The following HECA variants were observed in gnomAD, a reference collection of about 807,000 sequenced individuals.
HECA encodes the protein HECA ribonucleoprotein granule regulator, also known as headcase protein homolog.
HECA carries 13 observed loss-of-function variants against 37.6 expected under a neutral mutation model. The ratio of observed to expected loss-of-function variants is 0.35; its 90% CI spans 0.23 to 0.55. The LOEUF is 0.55. Among genes scored for constraint, HECA ranks in the 20% least tolerant of loss-of-function variants. HECA has a pLI of 0.90. For missense variants in HECA, 527 were observed against 701.9 expected, an observed-to-expected ratio of 0.75 and a Z score of 2.82; for synonymous variants, 307 against 291.5, an observed-to-expected ratio of 1.05 and a Z score of -0.54.
In HECA at chr6:139,174,693, A is replaced by C. The variant is rs895074001; in HGVS notation, c.1467+154A>C. On this transcript the variant is annotated intron_variant, in intron 3 of 3. Coordinates refer to ENST00000367658, the MANE Select transcript of HECA (RefSeq NM_016217.3). ...TAATGTAGTCATTTAGTGGAATACT[A>C]TTCAGTCATTAAAAGGAATACTGTA... 2.7e-6 allele frequency: 3 copies of C among 1,109,700 alleles called. No individual in the cohort carries two copies. In the Admixed American group the frequency reaches 9.5e-5, roughly 35 times the overall value. The allele number at this position is 1,109,700 out of a possible 1,614,324, so 68.7% of individuals were successfully genotyped here.
chr6:139,176,311 G>GA lies in HECA; in HGVS notation c.1468-629dup, dbSNP rs1232345351. On this transcript the variant is annotated intron_variant, in intron 3 of 3. Coordinates refer to ENST00000367658, the MANE Select transcript of HECA (RefSeq NM_016217.3). This position sits in a 1 kb window ranked among gnomAD's most constrained non-coding sequence, Gnocchi z 4.5. ...CAGGAGTATTTTGAGAACAAGTTGA[G>GA]ATTATACTTTTTAAGTACATTTTTA... Among the ~76,000 whole-genome samples the GA allele has an allele frequency of 2.0e-5, 3 of 152,146 alleles. No individual in the cohort carries two copies. The highest frequency in any genetic ancestry group is 7.2e-5 in the African/African-American group (3 of 41,432).
At chr6:139,173,684 T>A (rs1053952912) in intron 2 of HECA, among the ~76,000 whole-genome samples, 1 of 152,234 alleles carries the variant, frequency 6.6e-6, no homozygotes, top group Non-Finnish European at 1.5e-5. Context: ...TAAACTGTGA[T>A]GCTTCCATAT....
At chr6:139,165,280 G>A (rs187292143) in intron 1 of HECA, among the ~76,000 whole-genome samples, 1 of 152,228 alleles carries the variant, frequency 6.6e-6, no homozygotes, top group African/African-American at 2.4e-5. Context: ...TTTTAGAGCA[G>A]ATTTAAGTTC....
At chr6:139,160,859 CTT>C (rs1237006616) in intron 1 of HECA, among the ~76,000 whole-genome samples, 1 of 152,182 alleles carries the variant, frequency 6.6e-6, no homozygotes, top group African/African-American at 2.4e-5. Context: ...TTTTATGAAA[CTT>C]TACTATTTAT....
chr6:139,166,634 GAGA>G lies in HECA; in HGVS notation c.627_629del (p.Lys209del). ...CGAGAAAAAGAAGAAGTCTGGCTCC[GAGA>G]AGAACACAGGGAGGCCTCCTGGTGA... On this transcript the variant is annotated inframe_deletion, in exon 2 of 4. Coordinates refer to ENST00000367658, the MANE Select transcript of HECA (RefSeq NM_016217.3). 1.2e-6 allele frequency: 2 copies of G among 1,614,170 alleles called. No individual in the cohort carries two copies. Among genetic ancestry groups the G allele is most frequent in the Non-Finnish European group, 1.7e-6 (2 of 1,180,036 alleles).
intron 1 of HECA, among the ~76,000 whole-genome samples, chr6:139,149,932 C>A (rs895934886): frequency 6.6e-6 from 1 of 152,200 alleles, no homozygotes. Context: ...ACAGCAGAGT[C>A]CACTTAGATT....
intron 1 of HECA, among the ~76,000 whole-genome samples, chr6:139,152,018 T>C (rs897131441): frequency 4.6e-4 from 70 of 152,348 alleles, no homozygotes; most frequent in African/African-American, 1.5e-3. Flanking sequence ...ACTAAAGTGA[T>C]TGTCCTATTT....
chr6:139,163,503 G>A (rs894443053), intron 1 of HECA, among the ~76,000 whole-genome samples: 5 of 151,928 alleles, frequency 3.3e-5, no homozygotes, highest in East Asian at 1.9e-4. Context: ...ACAGGTGTGC[G>A]CCACTACACC....
At chr6:139,136,627 C>G (rs1774448670) in intron 1 of HECA, among the ~76,000 whole-genome samples, 2 of 149,124 alleles carry the variant, frequency 1.3e-5, no homozygotes, top group South Asian at 4.2e-4. Context: ...GTAGATCAGG[C>G]ACTTTTTTGT....
chr6:139,173,060 C>T (rs1774997478), intron 2 of HECA, among the ~76,000 whole-genome samples: 1 of 152,200 alleles, frequency 6.6e-6, no homozygotes. Flanking sequence ...ACAGAGAGTG[C>T]AAATGAAATT....
rs778143815 is a variant in HECA at position 139,166,891 on chromosome 6, C to T, written c.879C>T (p.Tyr293=). The part of the protein sequence containing the change: ...AHFSGPRSSR[Y]LGEFLKNAIH... ...TCAGCGGCCCCCGCTCCTCCAGATA[C>T]CTCGGGGAGTTCTTAAAGAACGCCA... The change falls in exon 2 of 4, where the codon TAC becomes TAT. Residue 293 remains tyrosine, a synonymous_variant. Transcript: ENST00000367658. 1.2e-6 allele frequency: 2 copies of T among 1,614,038 alleles called. No individual in the cohort carries two copies. The highest frequency in any genetic ancestry group is 8.5e-7 in the Non-Finnish European group (1 of 1,179,994).
intron 1 of HECA, among the ~76,000 whole-genome samples, chr6:139,140,503 T>A (rs986757861): frequency 1.3e-5 from 2 of 152,238 alleles, no homozygotes; most frequent in Non-Finnish European, 2.9e-5. Context: ...TGGTGCTCTA[T>A]GCGCAGTCTC....
At chr6:139,152,825 C>T (rs1582939057) in intron 1 of HECA, among the ~76,000 whole-genome samples, 1 of 151,884 alleles carries the variant, frequency 6.6e-6, no homozygotes, top group African/African-American at 2.4e-5. Flanking sequence ...TAATACTTGC[C>T]GGTTAATCAG....
chr6:139,171,665 C>T (rs2114486918), intron 2 of HECA, among the ~76,000 whole-genome samples: 1 of 151,930 alleles, frequency 6.6e-6, no homozygotes, highest in Non-Finnish European at 1.5e-5. Context: ...AGTCTGTCAC[C>T]CTGGCTGGCT....
In HECA at chr6:139,174,630, G is replaced by T. The variant is rs150780505; in HGVS notation, c.1467+91G>T. On this transcript the variant is annotated intron_variant, in intron 3 of 3. Transcript: ENST00000367658. ...GGAAGATGCGTCTGGCAATAAAGAA[G>T]AAATTCAGTCCAGCAATGATGGCTG... The T allele has an allele frequency of 4.3e-5, 66 of 1,527,198 alleles. No homozygotes were observed. In the African/African-American group the frequency reaches 7.4e-4, roughly 17 times the overall value. The allele number at this position is 1,527,198 out of a possible 1,614,324, so 94.6% of individuals were successfully genotyped here.
At position 139,178,151 on chromosome 6, in the gene HECA, T is replaced by C. The variant is rs1775077934; in HGVS notation, c.*1046T>C. The C allele has an allele frequency of 6.6e-6, 1 of 152,214 alleles. No individual in the cohort carries two copies. Among genetic ancestry groups the C allele is most frequent in the Non-Finnish European group, 1.5e-5 (1 of 68,034 alleles). 9.4% of individuals were successfully genotyped at this position (152,214 alleles called of 1,614,324 possible). Reference sequence around the variant, plus strand: ...TTTTACTATTTCTTTTAAAAGTATGTTTTGGAAAATCAATGATTTTAATGC... The same window carrying C: ...TTTTACTATTTCTTTTAAAAGTATGCTTTGGAAAATCAATGATTTTAATGC... On this transcript the variant is annotated 3_prime_UTR_variant, in exon 4 of 4. Transcript: ENST00000367658.
At chr6:139,163,213 G>T (rs1006306521) in intron 1 of HECA, among the ~76,000 whole-genome samples, 1 of 152,208 alleles carries the variant, frequency 6.6e-6, no homozygotes, top group African/African-American at 2.4e-5. Context: ...CTACGGGATG[G>T]ACAGTGAGGT....
At chr6:139,168,402 AATTG>A (rs1255238122) in intron 2 of HECA, among the ~76,000 whole-genome samples, 1 of 138,812 alleles carries the variant, frequency 7.2e-6, no homozygotes, top group East Asian at 1.9e-4. Context: ...TATTAGGGTT[AATTG>A]ATTATTTTGA....
chr6:139,164,098 T>C (rs992891995), intron 1 of HECA, among the ~76,000 whole-genome samples: 1 of 151,748 alleles, frequency 6.6e-6, no homozygotes, highest in African/African-American at 2.4e-5. Context: ...TCTCTCTCTC[T>C]CTGAGCATCT....
Sources: gnomAD v4.1 joint callset for allele counts (sites outside exome capture counted in the v4.1 genomes callset) on GRCh38, gnomAD v4.1.1 for gene constraint, Gnocchi (gnomAD v3.1) non-coding constraint, MANE v1.5 for transcripts, NCBI Gene and HGNC (gene_info 2026-07-23, HGNC 2026-07-21) for gene names.